The following SRPK2 variants were observed in gnomAD, a reference collection of about 807,000 sequenced individuals.
SRPK2 encodes the protein SFRS protein kinase 2.
SRPK2 carries 21 observed loss-of-function variants against 90.8 expected under a neutral mutation model. The observed-to-expected ratio is 0.23, with a 90% CI of 0.16 to 0.33. SRPK2 has a LOEUF of 0.33. SRPK2 is among the 10% of genes least tolerant of loss of function. The pLI, the probability that SRPK2 is intolerant of heterozygous loss-of-function variation, is 1.00. For synonymous variants in SRPK2, 288 were observed against 311.1 expected (o/e 0.93, Z 0.78); for missense variants, 620 against 869.0 (o/e 0.71, Z 3.60).
At chr7:105,246,414 G>C (rs1801672320) in intron 2 of SRPK2, among the ~76,000 whole-genome samples, 2 of 152,222 alleles carry the variant, frequency 1.3e-5, no homozygotes, top group African/African-American at 4.8e-5. Flanking sequence ...TTATATTTGA[G>C]ATGTCGACAG....
chr7:105,263,380 T>A (rs568595372), intron 2 of SRPK2, among the ~76,000 whole-genome samples: 1 of 151,428 alleles, frequency 6.6e-6, no homozygotes, highest in South Asian at 2.1e-4. Context: ...AACCACAAAC[T>A]GTAAGCCTCC....
At chr7:105,373,968 C>T (rs1819998917) in intron 2 of SRPK2, among the ~76,000 whole-genome samples, 1 of 152,192 alleles carries the variant, frequency 6.6e-6, no homozygotes, top group South Asian at 2.1e-4. Flanking sequence ...TGCTCTGTCG[C>T]CCACGCTGGA....
chr7:105,282,576 G>C (rs994992821), intron 2 of SRPK2, among the ~76,000 whole-genome samples: 1 of 152,186 alleles, frequency 6.6e-6, no homozygotes, highest in African/African-American at 2.4e-5. Context: ...GCCAAGGTGG[G>C]CGGATCACTT....
At chr7:105,248,812 T>TA (rs1563143238) in intron 2 of SRPK2, among the ~76,000 whole-genome samples, 1 of 150,992 alleles carries the variant, frequency 6.6e-6, no homozygotes, top group Non-Finnish European at 1.5e-5. Context: ...GGGTGTGGTG[T>TA]TGGGCGCCTG....
chr7:105,126,141 G>A (rs1190528257), intron 15 of SRPK2, 107 bp downstream of exon 15: 33 of 972,112 alleles, frequency 3.4e-5, no homozygotes, highest in African/African-American at 3.2e-4. Flanking sequence ...GCTGGGTTGC[G>A]TTTCGAATTT....
chr7:105,157,303 A>T (rs1459947622), intron 7 of SRPK2, among the ~76,000 whole-genome samples: 1 of 152,148 alleles, frequency 6.6e-6, no homozygotes, highest in African/African-American at 2.4e-5. Context: ...GACTCTTAAG[A>T]AGAAGGTCTA....
chr7:105,203,985 C>G (rs969163922), intron 2 of SRPK2, among the ~76,000 whole-genome samples, 200 bp from the exon 3 acceptor site: 1 of 150,404 alleles, frequency 6.6e-6, no homozygotes. Flanking sequence ...AAAAAAAAAT[C>G]TGCCCTTATT....
chr7:105,360,165 G>C (rs1025379971), intron 2 of SRPK2, among the ~76,000 whole-genome samples: 1 of 152,104 alleles, frequency 6.6e-6, no homozygotes, highest in Non-Finnish European at 1.5e-5. Flanking sequence ...GTTCTTTGCT[G>C]GTTTAAAGTC....
intron 2 of SRPK2, among the ~76,000 whole-genome samples, chr7:105,268,163 A>G (rs552144669): frequency 6.6e-6 from 1 of 152,370 alleles, no homozygotes; most frequent in Admixed American, 6.5e-5. Flanking sequence ...CATATGATTG[A>G]CAGATAAAAT....
At chr7:105,226,815 T>C (rs939097831) in intron 2 of SRPK2, among the ~76,000 whole-genome samples, 1 of 151,870 alleles carries the variant, frequency 6.6e-6, no homozygotes, top group Non-Finnish European at 1.5e-5. Context: ...ATGGCCAATA[T>C]GGAGAAACCC....
chr7:105,390,188 C>G (rs1822118015), upstream of SRPK2, among the ~76,000 whole-genome samples: 1 of 152,182 alleles, frequency 6.6e-6, no homozygotes, highest in African/African-American at 2.4e-5. Context: ...TAATCTCCCA[C>G]ATAATCAGAA....
chr7:105,153,924 C>T (rs1806126086), intron 7 of SRPK2, among the ~76,000 whole-genome samples: 1 of 152,162 alleles, frequency 6.6e-6, no homozygotes, highest in African/African-American at 2.4e-5. Context: ...CTGAGGGTTC[C>T]ACTAGATTTC....
chr7:105,247,513 A>AAAACACGCACACACAC lies in SRPK2; in HGVS notation c.72-43729_72-43728insGTGTGTGTGCGTGTTT, dbSNP rs1213605066. Among the ~76,000 whole-genome samples the AAAACACGCACACACAC allele has an allele frequency of 1.1e-3, 99 of 88,408 alleles. 1 individual carries two copies. Among genetic ancestry groups the AAAACACGCACACACAC allele is most frequent in the African/African-American group, 3.8e-3 (94 of 24,948 alleles). 58.0% of individuals were successfully genotyped at this position (88,408 alleles called of 152,430 possible). On this transcript the variant is annotated intron_variant, in intron 2 of 15. Transcript: ENST00000393651. Reference sequence around the variant, plus strand: ...AACACCGGAGTGCCATACATACCAAAAAACACACACACACATAAACACACA... The same window carrying AAAACACGCACACACAC: ...AACACCGGAGTGCCATACATACCAAAAAACACGCACACACACAAACACACACACACATAAACACACA...
At chr7:105,378,684 A>G (rs1244127311) in intron 2 of SRPK2, among the ~76,000 whole-genome samples, 1 of 150,274 alleles carries the variant, frequency 6.7e-6, no homozygotes, top group Non-Finnish European at 1.5e-5. Flanking sequence ...AATTGCTTGT[A>G]CTCAGGTGGT....
At chr7:105,266,554 C>T (rs1461256460) in intron 2 of SRPK2, among the ~76,000 whole-genome samples, 1 of 152,102 alleles carries the variant, frequency 6.6e-6, no homozygotes, top group Non-Finnish European at 1.5e-5. Context: ...ATTTCTTCAA[C>T]CTTTCTACCA....
intron 2 of SRPK2, among the ~76,000 whole-genome samples, chr7:105,271,103 A>G (rs2130533965): frequency 6.6e-6 from 1 of 152,312 alleles, no homozygotes; most frequent in Non-Finnish European, 1.5e-5. Flanking sequence ...TGCTCCATGT[A>G]TCAACTTGCT....
intron 2 of SRPK2, among the ~76,000 whole-genome samples, chr7:105,326,290 T>C (rs1343530458): frequency 6.6e-6 from 1 of 152,192 alleles, no homozygotes; most frequent in Non-Finnish European, 1.5e-5. Flanking sequence ...TACCACTCTA[T>C]AATCCATTCC....
intron 2 of SRPK2, among the ~76,000 whole-genome samples, chr7:105,350,674 G>A (rs539454548): frequency 8.5e-4 from 129 of 151,502 alleles, no homozygotes; most frequent in Non-Finnish European, 1.3e-3. Context: ...ACAGGCATAC[G>A]CCAACACACC....
intron 2 of SRPK2, chr7:105,204,826 C>T (rs2129610523): frequency 8.1e-6 from 4 of 493,872 alleles, no homozygotes; most frequent in East Asian, 1.1e-4. Flanking sequence ...AAGGGTATAG[C>T]CGTTGTCAAT....
Sources: gnomAD v4.1 joint callset for allele counts (sites outside exome capture counted in the v4.1 genomes callset) on GRCh38, gnomAD v4.1.1 for gene constraint, MANE v1.5 for transcripts, NCBI Gene and HGNC (gene_info 2026-07-23, HGNC 2026-07-21) for gene names.